VWA8: variants seen among roughly 807,000 people sequenced by gnomAD.
VWA8 encodes the protein von Willebrand factor A domain-containing protein 8.
VWA8 carries 221 observed loss-of-function variants against 241.5 expected under a neutral mutation model. The ratio of observed to expected loss-of-function variants is 0.91; its 90% CI spans 0.82 to 1.02. VWA8 has a LOEUF of 1.02. Ranked by LOEUF, VWA8 falls within the 50% of genes least tolerant of loss-of-function variation. The pLI, the probability that VWA8 is intolerant of heterozygous loss-of-function variation, is 0.00. For missense variants in VWA8, 2,322 were observed against 2,328.7 expected, an observed-to-expected ratio of 1.00 and a Z score of 0.06; for synonymous variants, 852 against 827.1, an observed-to-expected ratio of 1.03 and a Z score of -0.52.
intron 37 of VWA8, among the ~76,000 whole-genome samples, chr13:41,620,519 AT>A (rs2044649989): frequency 6.6e-6 from 1 of 151,984 alleles, no homozygotes; most frequent in Non-Finnish European, 1.5e-5. Context: ...TAGCTTTTGA[AT>A]TTGTTTGCTC....
intron 14 of VWA8, among the ~76,000 whole-genome samples, chr13:41,824,643 CA>C (rs1268664487): frequency 6.6e-6 from 1 of 151,746 alleles, no homozygotes; most frequent in Non-Finnish European, 1.5e-5. Flanking sequence ...GCCTGGGCAA[CA>C]TAGAGAGACC....
chr13:41,634,365 T>C, intron 37 of VWA8, among the ~76,000 whole-genome samples: 1 of 152,206 alleles, frequency 6.6e-6, no homozygotes, highest in African/African-American at 2.4e-5. Context: ...AATGTTCTAG[T>C]TGTGTAGTCA....
Position 41,949,931 on chromosome 13 carries a change from CT to C in VWA8, c.241+4del. 6.5e-7 allele frequency: 1 copy of C among 1,528,316 alleles called. No homozygotes were observed. 94.7% of individuals were successfully genotyped at this position (1,528,316 alleles called of 1,614,324 possible). On this transcript the variant is annotated splice_donor_region_variant and intron_variant, in intron 2 of 44. Transcript: ENST00000379310. Reference sequence around the variant, plus strand: ...TTCATTCATATATTAATAAATATTTCTTACTGTAGTTCTGTGGCACAAGTTC... The same window carrying C: ...TTCATTCATATATTAATAAATATTTCTACTGTAGTTCTGTGGCACAAGTTC...
intron 17 of VWA8, chr13:41,807,736 T>A (rs954511553): frequency 6.6e-6 from 1 of 152,272 alleles, no homozygotes; most frequent in African/African-American, 2.4e-5. Context: ...GGCAAGAGAA[T>A]GGCTCGAGCC....
At chr13:41,675,994 G>C (rs1446596616) in intron 35 of VWA8, among the ~76,000 whole-genome samples, 1 of 152,064 alleles carries the variant, frequency 6.6e-6, no homozygotes, top group Non-Finnish European at 1.5e-5. Context: ...AATCCCAAAA[G>C]ACAATCCTGA....
intron 12 of VWA8, among the ~76,000 whole-genome samples, chr13:41,844,233 G>T (rs961059542): frequency 3.9e-5 from 6 of 151,986 alleles, no homozygotes; most frequent in African/African-American, 1.4e-4. Flanking sequence ...AAAAGCAAAA[G>T]CCATTTTGAT....
chr13:41,712,141 A>G (rs992316786), intron 26 of VWA8, among the ~76,000 whole-genome samples: 4 of 152,158 alleles, frequency 2.6e-5, no homozygotes, highest in Non-Finnish European at 5.9e-5. Context: ...GATGGGTACT[A>G]AAATACAGTT....
rs1000406596 is a variant in VWA8, at chr13:41,732,174, A to G, written c.2427-19T>C. ...GGTATCCCTAAAGTAAAACCAACAC[A>G]TTTTATAGTTAGGAAGGAAATAAGC... On this transcript the variant is annotated intron_variant, in intron 21 of 44. Transcript: ENST00000379310. The G allele has an allele frequency of 1.1e-5, 18 of 1,601,276 alleles. No individual in the cohort carries two copies. The highest frequency in any genetic ancestry group is 1.5e-5 in the Non-Finnish European group (17 of 1,171,784).
intron 37 of VWA8, among the ~76,000 whole-genome samples, chr13:41,642,554 G>A (rs1279324968): frequency 8.8e-5 from 12 of 136,896 alleles, no homozygotes; most frequent in Non-Finnish European, 1.2e-4. Context: ...GCGGGATTCC[G>A]TCTCAAACAA....
intron 41 of VWA8, among the ~76,000 whole-genome samples, chr13:41,588,761 TTC>T (rs1240189355): frequency 2.0e-5 from 3 of 151,910 alleles, no homozygotes; most frequent in Admixed American, 6.6e-5. Flanking sequence ...TTCCAGATTA[TTC>T]TGTTATTAAA....
At chr13:41,658,127 T>C (rs1278999943) in intron 37 of VWA8, among the ~76,000 whole-genome samples, 1 of 152,148 alleles carries the variant, frequency 6.6e-6, no homozygotes, top group East Asian at 1.9e-4. Flanking sequence ...AGCTAGAACA[T>C]GGTATTTTCA....
At chr13:41,820,049 T>A (rs1170324483) in intron 14 of VWA8, among the ~76,000 whole-genome samples, 1 of 152,206 alleles carries the variant, frequency 6.6e-6, no homozygotes, top group African/African-American at 2.4e-5. Flanking sequence ...AATTTTCTAG[T>A]ACACACAGAG....
At chr13:41,942,793 G>C (rs1051771740) in intron 2 of VWA8, among the ~76,000 whole-genome samples, 3 of 152,184 alleles carry the variant, frequency 2.0e-5, no homozygotes, top group African/African-American at 7.2e-5. Flanking sequence ...AGGCACTCCA[G>C]GTCTTTATCC....
intron 10 of VWA8, 98 bp from the exon 11 acceptor site, chr13:41,866,134 G>C: frequency 1.3e-6 from 2 of 1,486,910 alleles, no homozygotes; most frequent in South Asian, 2.5e-5. Context: ...GATCACTTGA[G>C]GTTAGTAGTT....
At chr13:41,781,993 T>A (rs1306946385) in intron 19 of VWA8, among the ~76,000 whole-genome samples, 1 of 152,198 alleles carries the variant, frequency 6.6e-6, no homozygotes, top group African/African-American at 2.4e-5. Context: ...TGACTACGGC[T>A]TCAAAGATGA....
chr13:41,632,626 T>C (rs1275918937), intron 37 of VWA8, among the ~76,000 whole-genome samples: 1 of 152,218 alleles, frequency 6.6e-6, no homozygotes, highest in Non-Finnish European at 1.5e-5. Flanking sequence ...AGTCACATTA[T>C]ACTGTTACCT....
At chr13:41,790,318 C>T (rs1298629009) in intron 17 of VWA8, among the ~76,000 whole-genome samples, 1 of 152,014 alleles carries the variant, frequency 6.6e-6, no homozygotes, top group Non-Finnish European at 1.5e-5. Flanking sequence ...TTCGATCAGA[C>T]TTGTGATTTT....
intron 37 of VWA8, among the ~76,000 whole-genome samples, chr13:41,630,359 C>G (rs1445193132): frequency 6.6e-6 from 1 of 151,970 alleles, no homozygotes; most frequent in African/African-American, 2.4e-5. Context: ...CCCTCCACCT[C>G]TCCACACCAA....
intron 23 of VWA8, among the ~76,000 whole-genome samples, chr13:41,728,308 A>T (rs551718555): frequency 1.3e-5 from 2 of 152,216 alleles, no homozygotes; most frequent in Admixed American, 6.5e-5. Flanking sequence ...TAATCAAAAC[A>T]AAAATGACAA....
Sources: gnomAD v4.1 joint callset for allele counts (sites outside exome capture counted in the v4.1 genomes callset) on GRCh38, gnomAD v4.1.1 for gene constraint, MANE v1.5 for transcripts, NCBI Gene and HGNC (gene_info 2026-07-23, HGNC 2026-07-21) for gene names.